The following LARP4B variants were observed in gnomAD, a reference collection of about 807,000 sequenced individuals.
LARP4B encodes la-related protein 4B.
LARP4B carries 12 observed loss-of-function variants against 89.8 expected under a neutral mutation model. The observed-to-expected ratio is 0.13, with a 90% CI of 0.09 to 0.22. The LOEUF is 0.22. Among genes scored for constraint, LARP4B ranks in the 10% least tolerant of loss-of-function variants. The probability of loss-of-function intolerance (pLI) is 1.00; values close to 1 mark genes in which losing one functional copy is unlikely to be tolerated. For missense variants in LARP4B, 757 were observed against 947.7 expected (o/e 0.80, Z 2.64); for synonymous variants, 367 against 363.3 (o/e 1.01, Z -0.12).
intron 3 of LARP4B, among the ~76,000 whole-genome samples, chr10:873,788 G>A (rs1835341115): frequency 2.0e-5 from 3 of 152,202 alleles, no homozygotes; most frequent in South Asian, 2.1e-4. Flanking sequence ...ATGGAATGAT[G>A]TCAGTTAGAG....
At chr10:949,538 A>G in the LARP4B span, among the ~76,000 whole-genome samples, 78 of 149,074 alleles carry the variant, frequency 5.2e-4, no homozygotes, top group African/African-American at 1.8e-3. Flanking sequence ...TTTTCCAGGC[A>G]GCTGTACCAT....
rs780986495 is a variant in LARP4B, at chr10:863,764, G to A, written c.409C>T (p.Leu137=). The change falls in exon 5 of 18, where the codon CTG becomes TTG. Residue 137 remains leucine, a synonymous_variant. Coordinates refer to ENST00000316157, the MANE Select transcript of LARP4B (RefSeq NM_015155.3). ...LALGPSEYDS[L]PENSETGGNE... The stretch of plus-strand genomic sequence containing the variant: ...TTACCTGTCTCGCTATTTTCAGGCA[G>A]AGAGTCATATTCTGAGGGACCCAGA... 1.6e-5 allele frequency: 26 copies of A among 1,610,530 alleles called. No individual in the cohort carries two copies. The South Asian group carries it at 2.5e-4, about 16-fold the overall frequency.
intron 1 of LARP4B, among the ~76,000 whole-genome samples, chr10:887,707 T>G (rs181313476): frequency 7.8e-4 from 118 of 151,418 alleles, no homozygotes; most frequent in Non-Finnish European, 1.3e-3. Context: ...TGAGACTCCA[T>G]CAAAACAATA....
chr10:894,431 T>C (rs916849435), intron 1 of LARP4B, among the ~76,000 whole-genome samples: 1 of 152,220 alleles, frequency 6.6e-6, no homozygotes, highest in East Asian at 1.9e-4. Flanking sequence ...GCTATTTTTA[T>C]TGCCACAGAA....
At chr10:837,683 C>T (rs1284211321) in intron 7 of LARP4B, among the ~76,000 whole-genome samples, 1 of 152,230 alleles carries the variant, frequency 6.6e-6, no homozygotes, top group African/African-American at 2.4e-5. Flanking sequence ...AGGCCCCAGA[C>T]ACGTGGGGTG....
chr10:949,155 C>T, the LARP4B span, among the ~76,000 whole-genome samples: 29 of 150,926 alleles, frequency 1.9e-4, no homozygotes, highest in African/African-American at 5.9e-4. Flanking sequence ...ATTTCCCAGG[C>T]GGCTCTACCA....
chr10:873,222 A>G (rs1835311722), intron 3 of LARP4B: 3 of 985,218 alleles, frequency 3.0e-6, no homozygotes, highest in Admixed American at 6.2e-5. Flanking sequence ...ACTTGCTATA[A>G]TTTCTGAGGA....
chr10:852,386 A>T lies in LARP4B; in HGVS notation c.431-7331T>A, dbSNP rs577551764. On this transcript the variant is annotated intron_variant, in intron 5 of 17. Coordinates refer to ENST00000316157, the MANE Select transcript of LARP4B (RefSeq NM_015155.3). ...ACAATTCATCCGAACACACTAAAAA[A>T]CAACAAATATATGCCCATCTCCATA... 8.9e-4 allele frequency among the ~76,000 whole-genome samples: 135 copies of T among 152,238 alleles called. 1 individual carries two copies. Among genetic ancestry groups the T allele is most frequent in the Non-Finnish European group, 1.3e-3 (91 of 68,036 alleles).
chr10:966,650 G>A, the LARP4B span, among the ~76,000 whole-genome samples: 2 of 152,348 alleles, frequency 1.3e-5, no homozygotes, highest in East Asian at 1.9e-4. Context: ...CATGGGTGTC[G>A]GGCGAAGGCA....
At chr10:864,004 C>T in intron 4 of LARP4B, 119 bp downstream of exon 4, 1 of 1,548,240 alleles carries the variant, frequency 6.5e-7, no homozygotes. Context: ...GGCTCTCAAG[C>T]ACTGCCACAT....
intron 7 of LARP4B, among the ~76,000 whole-genome samples, chr10:837,417 A>T (rs920872880): frequency 2.6e-5 from 4 of 152,216 alleles, no homozygotes; most frequent in African/African-American, 7.2e-5. Context: ...AATTTATACA[A>T]TCAATGCAAT....
intron 1 of LARP4B, among the ~76,000 whole-genome samples, chr10:921,763 G>A (rs1332623612): frequency 1.3e-5 from 2 of 152,112 alleles, no homozygotes; most frequent in Non-Finnish European, 2.9e-5. Flanking sequence ...TCATGCTTAG[G>A]TTTAACTCTC....
chr10:910,135 G>T (rs1836627450), intron 1 of LARP4B, among the ~76,000 whole-genome samples: 1 of 152,170 alleles, frequency 6.6e-6, no homozygotes, highest in Non-Finnish European at 1.5e-5. Context: ...TGAAATCTAT[G>T]ACAACGATGA....
rs1348900410 is a variant in LARP4B at position 811,378 on chromosome 10, A to G, written c.*1548T>C. On this transcript the variant is annotated 3_prime_UTR_variant, in exon 18 of 18. Transcript: ENST00000316157. ...CACTCCAAGTGCACGTATTTAATAC[A>G]GTATTGACTATTTGCATTTACAGGA... 6.5e-6 allele frequency: 1 copy of G among 152,720 alleles called. No homozygotes were observed. Among genetic ancestry groups the G allele is most frequent in the Non-Finnish European group, 1.5e-5 (1 of 68,052 alleles). 9.5% of individuals were successfully genotyped at this position (152,720 alleles called of 1,614,324 possible). A position where few individuals can be genotyped will look rare whatever the true frequency, so the allele number is the denominator to read the frequency against.
chr10:940,623 C>T, the LARP4B span, among the ~76,000 whole-genome samples: 2 of 152,200 alleles, frequency 1.3e-5, no homozygotes, highest in Non-Finnish European at 2.9e-5. Context: ...ATGTTTCCCA[C>T]AGTGGAAAGA....
chr10:848,555 A>G (rs1249254513), intron 5 of LARP4B, among the ~76,000 whole-genome samples: 1 of 150,000 alleles, frequency 6.7e-6, no homozygotes, highest in Non-Finnish European at 1.5e-5. Context: ...AGGTAAGGAC[A>G]TAAAAGTTAT....
intron 3 of LARP4B, among the ~76,000 whole-genome samples, chr10:867,935 G>A (rs1488077447): frequency 2.8e-5 from 4 of 143,294 alleles, no homozygotes; most frequent in Non-Finnish European, 6.0e-5. Context: ...CATTAAAAAT[G>A]TATGGCTAAG....
At chr10:985,007 G>A in the LARP4B span, among the ~76,000 whole-genome samples, 4 of 152,168 alleles carry the variant, frequency 2.6e-5, no homozygotes, top group Non-Finnish European at 4.4e-5. Flanking sequence ...GCCACTCTCG[G>A]CTGGCAGTGC....
chr10:840,131 G>T (rs1001231594), intron 7 of LARP4B, among the ~76,000 whole-genome samples: 1 of 152,102 alleles, frequency 6.6e-6, no homozygotes, highest in African/African-American at 2.4e-5. Context: ...GACGCTTGGC[G>T]GGGGTGGGCT....
Sources: allele counts gnomAD v4.1 joint callset (sites outside exome capture counted in the v4.1 genomes callset), GRCh38; gene constraint gnomAD v4.1.1; transcripts MANE v1.5; gene names NCBI Gene and HGNC (gene_info 2026-07-23, HGNC 2026-07-21).